The following MLLT1 variants were observed in gnomAD, a reference collection of about 807,000 sequenced individuals.
MLLT1 encodes MLLT1 super elongation complex subunit.
A neutral mutation model predicts 55.1 loss-of-function variants in MLLT1; 11 were observed. The ratio of observed to expected loss-of-function variants is 0.20; its 90% CI spans 0.13 to 0.33. The LOEUF (loss-of-function observed/expected upper bound fraction) is 0.33. Among genes scored for constraint, MLLT1 ranks in the 10% least tolerant of loss-of-function variants. MLLT1 has a pLI of 1.00. For missense variants in MLLT1, 536 were observed against 760.6 expected, an observed-to-expected ratio of 0.70 and a Z score of 3.47; for synonymous variants, 323 against 320.1, an observed-to-expected ratio of 1.01 and a Z score of -0.10.
At chr19:6,253,454 A>G (rs1049624027) in intron 3 of MLLT1, among the ~76,000 whole-genome samples, 4 of 152,094 alleles carry the variant, frequency 2.6e-5, no homozygotes, top group African/African-American at 9.7e-5. Flanking sequence ...TTAGAAGAGG[A>G]GGGAATACCT....
At chr19:6,236,533 C>G (rs2091062731) in intron 3 of MLLT1, among the ~76,000 whole-genome samples, 2 of 152,184 alleles carry the variant, frequency 1.3e-5, no homozygotes, top group African/African-American at 2.4e-5. Context: ...CACCGAAAAG[C>G]AAGGAAGGCA....
rs1308117429 is a variant in MLLT1, at chr19:6,270,111, G to A, written c.193+468C>T. Among the ~76,000 whole-genome samples, 1 of 152,190 alleles carries A rather than the reference G, an allele frequency of 6.6e-6. No individual in the cohort carries two copies. Among genetic ancestry groups the A allele is most frequent in the Non-Finnish European group, 1.5e-5 (1 of 68,028 alleles). ...AGACGCTGACAGAATACACGACTGAGGCACTCGTGCTGAATCAATGACGGC... is the reference window on the plus strand; with the variant it reads ...AGACGCTGACAGAATACACGACTGAAGCACTCGTGCTGAATCAATGACGGC... On this transcript the variant is annotated intron_variant, in intron 2 of 11. Coordinates refer to ENST00000252674, the MANE Select transcript of MLLT1 (RefSeq NM_005934.4). This position sits in a 1 kb window ranked among gnomAD's most constrained non-coding sequence, Gnocchi z 7.1.
chr19:6,258,734 C>T (rs547423803), intron 3 of MLLT1, among the ~76,000 whole-genome samples: 3 of 152,280 alleles, frequency 2.0e-5, no homozygotes, highest in Admixed American at 6.5e-5. Flanking sequence ...ATAGAGCTGT[C>T]GGAGAAAGCA....
chr19:6,211,546 G>A lies in MLLT1; in HGVS notation c.*1496C>T. 1 of 1,011,184 alleles carries A rather than the reference G, an allele frequency of 9.9e-7. No individual in the cohort carries two copies. The highest frequency in any genetic ancestry group is 1.2e-6 in the Non-Finnish European group (1 of 829,538). 62.6% of individuals were successfully genotyped at this position (1,011,184 alleles called of 1,614,324 possible). A position where few individuals can be genotyped will look rare whatever the true frequency, so the allele number is the denominator to read the frequency against. ...GGAGCCCCCCAAGTCTGAACTCATA[G>A]GCTGGGGAGGAGGAGACATCTAGGT... On this transcript the variant is annotated 3_prime_UTR_variant, in exon 12 of 12. Transcript: ENST00000252674. This position sits in a 1 kb window ranked among gnomAD's most constrained non-coding sequence, Gnocchi z 4.6.
In MLLT1 at chr19:6,243,277, G is replaced by A. The variant is rs1377987350; in HGVS notation, c.277-12564C>T. 3.9e-5 allele frequency among the ~76,000 whole-genome samples: 6 copies of A among 152,180 alleles called. 1 individual carries two copies. The highest frequency in any genetic ancestry group is 4.2e-4 in the South Asian group (2 of 4,812). On this transcript the variant is annotated intron_variant, in intron 3 of 11. Coordinates refer to ENST00000252674, the MANE Select transcript of MLLT1 (RefSeq NM_005934.4). ...AGGCTCGGGGAGGCCGGCAGCCCCC[G>A]GCCCCTGCCCTGCCCAGGACCAGGG...
At chr19:6,250,903 T>G (rs189590613) in intron 3 of MLLT1, among the ~76,000 whole-genome samples, 1 of 152,318 alleles carries the variant, frequency 6.6e-6, no homozygotes, top group East Asian at 1.9e-4. Context: ...AGAATGTTAC[T>G]TGGCCGTGAA....
At position 6,211,758 on chromosome 19, in the gene MLLT1, G is replaced by A. The variant is rs1028537723; in HGVS notation, c.*1284C>T. The A allele has an allele frequency of 1.9e-5, 20 of 1,064,628 alleles. No homozygotes were observed. The highest frequency in any genetic ancestry group is 4.9e-5 in the African/African-American group (3 of 61,158). The allele number at this position is 1,064,628 out of a possible 1,614,324, so 65.9% of individuals were successfully genotyped here. ...TCCAGCCCCTGGGACCCCCAGCCAC[G>A]ATGGGCTGGCTCCGCGGGAGCGTCC... On this transcript the variant is annotated 3_prime_UTR_variant, in exon 12 of 12. Transcript: ENST00000252674. This position sits in a 1 kb window ranked among gnomAD's most constrained non-coding sequence, Gnocchi z 4.6.
At chr19:6,276,670 G>C (rs977263199) in intron 1 of MLLT1, among the ~76,000 whole-genome samples, 4 of 151,864 alleles carry the variant, frequency 2.6e-5, no homozygotes, top group African/African-American at 9.7e-5. Flanking sequence ...CCTCCCCCCG[G>C]CCCCAGCCCA....
chr19:6,252,138 C>T (rs2091221063), intron 3 of MLLT1, among the ~76,000 whole-genome samples: 1 of 152,164 alleles, frequency 6.6e-6, no homozygotes, highest in South Asian at 2.1e-4. Context: ...GAGAAATGGC[C>T]ATCTGTCTCT....
chr19:6,269,476 A>G (rs1248580584), intron 2 of MLLT1, among the ~76,000 whole-genome samples: 2 of 152,216 alleles, frequency 1.3e-5, no homozygotes, highest in Non-Finnish European at 2.9e-5. Flanking sequence ...AAAGGTGAAG[A>G]CTCAGGAAAG....
chr19:6,251,037 T>C (rs2091208523), intron 3 of MLLT1, among the ~76,000 whole-genome samples: 1 of 151,920 alleles, frequency 6.6e-6, no homozygotes, highest in Admixed American at 6.6e-5. Context: ...ACTGCCAGAA[T>C]AGGCCCATCC....
chr19:6,276,123 A>G (rs2091426943), intron 1 of MLLT1, among the ~76,000 whole-genome samples: 1 of 152,296 alleles, frequency 6.6e-6, no homozygotes, highest in African/African-American at 2.4e-5. Context: ...AACGGGCATA[A>G]AGGGAAATGG....
At chr19:6,239,312 G>A (rs771615401) in intron 3 of MLLT1, among the ~76,000 whole-genome samples, 9 of 152,220 alleles carry the variant, frequency 5.9e-5, no homozygotes, top group East Asian at 3.8e-4. Context: ...CGATCCGACC[G>A]AAATACCCAC....
In MLLT1 at chr19:6,270,569, G is replaced by C; in HGVS notation, c.193+10C>G. On this transcript the variant is annotated intron_variant, in intron 2 of 11. Coordinates refer to ENST00000252674, the MANE Select transcript of MLLT1 (RefSeq NM_005934.4). The surrounding 1 kb of genome is among the most constrained non-coding windows in gnomAD (Gnocchi z 7.1). ...CGTGCTGTGGGCACTCAGGGCTTGA[G>C]GCCACTCACCGCGTCTGGGCTTGGG... is the stretch of plus-strand genomic sequence containing the variant. 2 of 1,605,766 alleles carry C rather than the reference G, an allele frequency of 1.2e-6. No homozygotes were observed. Among genetic ancestry groups the C allele is most frequent in the Non-Finnish European group, 1.7e-6 (2 of 1,175,812 alleles).
chr19:6,259,278 G>C (rs1214744509), intron 3 of MLLT1: 1 of 152,292 alleles, frequency 6.6e-6, no homozygotes, highest in Non-Finnish European at 1.5e-5. Context: ...GGCTACACCA[G>C]GTAGAAAAAC....
In MLLT1 at chr19:6,256,139, C is replaced by A. The variant is rs2091255050; in HGVS notation, c.276+6089G>T. Among the ~76,000 whole-genome samples, 1 of 151,896 alleles carries A rather than the reference C, an allele frequency of 6.6e-6. No individual in the cohort carries two copies. The highest frequency in any genetic ancestry group is 6.6e-5 in the Admixed American group (1 of 15,266). On this transcript the variant is annotated intron_variant, in intron 3 of 11. Transcript: ENST00000252674. This position sits in a 1 kb window ranked among gnomAD's most constrained non-coding sequence, Gnocchi z 4.1. ...GGCTGAGGCAGGAGAATCGCTTGAA[C>A]CTGGGAGGCAGAGGTTGCGATGAGC...
Position 6,247,181 on chromosome 19 carries a change from A to G in MLLT1, c.276+15047T>C, listed in dbSNP as rs557681154. 2.0e-5 allele frequency among the ~76,000 whole-genome samples: 3 copies of G among 152,250 alleles called. No individual in the cohort carries two copies. In the South Asian group the frequency reaches 6.2e-4, roughly 32 times the overall value. Reference sequence around the variant, plus strand: ...CACAGATAGATACAGAACTAAACACAGATGTAAAGGGTGGGGGTGGTTTCC... The same window carrying G: ...CACAGATAGATACAGAACTAAACACGGATGTAAAGGGTGGGGGTGGTTTCC... On this transcript the variant is annotated intron_variant, in intron 3 of 11. Coordinates refer to ENST00000252674, the MANE Select transcript of MLLT1 (RefSeq NM_005934.4).
chr19:6,221,746 T>C (rs1447678347), intron 6 of MLLT1, among the ~76,000 whole-genome samples: 3 of 152,140 alleles, frequency 2.0e-5, no homozygotes, highest in Admixed American at 1.3e-4. Context: ...GACCACGCCA[T>C]GGTCAGAGCA....
intron 3 of MLLT1, among the ~76,000 whole-genome samples, chr19:6,233,456 G>A (rs1402230285): frequency 6.6e-6 from 1 of 152,192 alleles, no homozygotes; most frequent in Non-Finnish European, 1.5e-5. Flanking sequence ...CCAGCCCCAG[G>A]CGGGGAGGTG....
Sources: gnomAD v4.1 joint callset for allele counts (sites outside exome capture counted in the v4.1 genomes callset) on GRCh38, gnomAD v4.1.1 for gene constraint, Gnocchi (gnomAD v3.1) non-coding constraint, MANE v1.5 for transcripts, NCBI Gene and HGNC (gene_info 2026-07-23, HGNC 2026-07-21) for gene names.